NOVA2: variants seen among roughly 807,000 people sequenced by gnomAD.
The protein encoded by NOVA2 is NOVA alternative splicing regulator 2.
A neutral mutation model predicts 22.5 loss-of-function variants in NOVA2; 9 were observed. The observed-to-expected ratio is 0.40, with a 90% confidence interval of 0.24 to 0.70. The LOEUF (loss-of-function observed/expected upper bound fraction) is 0.70, where lower values mean the gene tolerates loss of function less well. Ranked by LOEUF, NOVA2 falls within the 30% of genes least tolerant of loss-of-function variation. The probability of loss-of-function intolerance (pLI) is 0.38; values close to 1 mark genes in which losing one functional copy is unlikely to be tolerated. For synonymous variants in NOVA2, 318 were observed against 335.2 expected (o/e 0.95, Z 0.56); for missense variants, 383 against 682.8 (o/e 0.56, Z 4.89).
At chr19:45,942,894 C>T (rs1251229579) in intron 3 of NOVA2, among the ~76,000 whole-genome samples, 1 of 151,470 alleles carries the variant, frequency 6.6e-6, no homozygotes. Flanking sequence ...CCCTTAAACC[C>T]TGGGGGTGTC....
rs1368630697 is a variant in NOVA2 at position 45,938,599 on chromosome 19, A to G, written c.*1264T>C. 4 of 152,398 alleles carry G rather than the reference A, an allele frequency of 2.6e-5. No homozygotes were observed. The highest frequency in any genetic ancestry group is 2.0e-4 in the Admixed American group (3 of 15,282). 9.4% of individuals were successfully genotyped at this position (152,398 alleles called of 1,614,324 possible). A position where few individuals can be genotyped will look rare whatever the true frequency, so the allele number is the denominator to read the frequency against. ...AGGGAGGTCTTTAACAGTAGTTTGCACTAGGTCCATCTCCCACCCCTCCCT... is the reference window on the plus strand; with the variant it reads ...AGGGAGGTCTTTAACAGTAGTTTGCGCTAGGTCCATCTCCCACCCCTCCCT... On this transcript the variant is annotated 3_prime_UTR_variant, in exon 4 of 4. Transcript: ENST00000263257.
chr19:45,940,887 G>T lies in NOVA2; in HGVS notation c.455C>A (p.Thr152Lys). 1 of 1,605,832 alleles carries T rather than the reference G, an allele frequency of 6.2e-7. No homozygotes were observed. Among genetic ancestry groups the T allele is most frequent in the South Asian group, 1.1e-5 (1 of 91,062 alleles). ...TGACTGTTCCATCACGGCTTTCACC[G>T]TGGCGCCTCCCTTGCCGATGATCAG... ...AGLIIGKGGA[T>K]VKAVMEQSGA... The change falls in exon 4 of 4, where the codon ACG becomes AAG. Residue 152 changes from threonine (T) to lysine (K), a missense_variant. By Grantham distance (78) the Thr-to-Lys change is moderately conservative. Transcript: ENST00000263257.
At chr19:45,944,958 A>G (rs1036036924) in intron 3 of NOVA2, among the ~76,000 whole-genome samples, 3 of 152,168 alleles carry the variant, frequency 2.0e-5, no homozygotes, top group Non-Finnish European at 4.4e-5. Context: ...GCTTGGGGTT[A>G]GGGAGAGGGT....
intron 3 of NOVA2, among the ~76,000 whole-genome samples, 153 bp from the exon 4 acceptor site, chr19:45,941,098 T>G (rs1271403843): frequency 6.6e-6 from 1 of 152,110 alleles, no homozygotes; most frequent in African/African-American, 2.4e-5. Flanking sequence ...CAGACTAGCC[T>G]GGCCAACATG....
chr19:45,967,663 G>A (rs550686300), intron 1 of NOVA2: 5 of 152,226 alleles, frequency 3.3e-5, no homozygotes, highest in African/African-American at 1.2e-4. Context: ...ACCCCCTCAG[G>A]GATGCTTCTG....
At chr19:45,958,989 G>A (rs1299005071) in intron 2 of NOVA2, among the ~76,000 whole-genome samples, 6 of 152,180 alleles carry the variant, frequency 3.9e-5, no homozygotes, top group Admixed American at 2.6e-4. Context: ...TGTGACGTCT[G>A]CTTCCCTGAC....
intron 1 of NOVA2, among the ~76,000 whole-genome samples, chr19:45,968,181 G>A (rs1338454847): frequency 7.2e-5 from 11 of 152,110 alleles, no homozygotes; most frequent in Admixed American, 4.6e-4. Context: ...TCAATGTTGG[G>A]TGTTGTCCTC....
chr19:45,941,717 C>T (rs957047347), intron 3 of NOVA2, among the ~76,000 whole-genome samples: 1 of 152,060 alleles, frequency 6.6e-6, no homozygotes, highest in African/African-American at 2.4e-5. Flanking sequence ...GGCAACATAG[C>T]GAGATCTTGC....
chr19:45,948,977 T>C (rs571085264), intron 3 of NOVA2, among the ~76,000 whole-genome samples: 1 of 152,306 alleles, frequency 6.6e-6, no homozygotes, highest in East Asian at 1.9e-4. Context: ...TTTTGACACA[T>C]GCTAAACTAT....
At chr19:45,951,107 G>T (rs1967918486) in intron 3 of NOVA2, among the ~76,000 whole-genome samples, 3 of 152,214 alleles carry the variant, frequency 2.0e-5, no homozygotes, top group Admixed American at 6.5e-5. Context: ...GTATAACCCA[G>T]AAGTGGCAAT....
intron 1 of NOVA2, among the ~76,000 whole-genome samples, chr19:45,972,095 C>T (rs1342901641): frequency 6.6e-6 from 1 of 152,124 alleles, no homozygotes; most frequent in Non-Finnish European, 1.5e-5. Flanking sequence ...TTCACACACA[C>T]ACCTCTCCTT....
Position 45,973,303 on chromosome 19 carries a change from G to C in NOVA2, c.49C>G (p.Pro17Ala). The C allele has an allele frequency of 7.5e-7, 1 of 1,340,958 alleles. No individual in the cohort carries two copies. The highest frequency in any genetic ancestry group is 2.2e-5 in the South Asian group (1 of 45,190). 83.1% of individuals were successfully genotyped at this position (1,340,958 alleles called of 1,614,324 possible). ...CTGCGCTTGGTGCAGACCACCTCGG[G>C]GGGCGTTTCGAGGGGCCTCTTGCGG... is the stretch of plus-strand genomic sequence containing the variant. The part of the protein sequence containing the change: ...DSRKRPLETP[P>A]EVVCTKRSNT... The change falls in exon 1 of 4, where the codon CCC becomes GCC. Residue 17 changes from proline (P) to alanine (A), a missense_variant. Around this residue, in one of 2 missense-constraint regions of NOVA2, gnomAD observed 349 missense variants for 578.1 expected, o/e 0.60. Transcript: ENST00000263257.
chr19:45,965,951 T>C (rs1403757067), intron 1 of NOVA2, among the ~76,000 whole-genome samples: 1 of 152,218 alleles, frequency 6.6e-6, no homozygotes, highest in African/African-American at 2.4e-5. Flanking sequence ...ATCATCATTA[T>C]CAGCATTGCC....
Position 45,940,539 on chromosome 19 carries a change from A to G in NOVA2, c.803T>C (p.Leu268Pro). 1.3e-6 allele frequency: 2 copies of G among 1,495,164 alleles called. No homozygotes were observed. Among genetic ancestry groups the G allele is most frequent in the Non-Finnish European group, 1.8e-6 (2 of 1,124,540 alleles). The allele number at this position is 1,495,164 out of a possible 1,614,324, so 92.6% of individuals were successfully genotyped here. A position where few individuals can be genotyped will look rare whatever the true frequency, so the allele number is the denominator to read the frequency against. The stretch of plus-strand genomic sequence containing the variant: ...CAGGTCGGTGCCTGAGAAGGCGGGC[A>G]GCGCGGCGGGAAAGGCCCCCACGCC... ...LAGVGAFPAA[L>P]PAFSGTDLLA... is the part of the protein sequence containing the mutation. The change falls in exon 4 of 4, where the codon CTG becomes CCG. Residue 268 changes from leucine (L) to proline (P), a missense_variant. By Grantham distance (98) the Leu-to-Pro change is moderately conservative. Around this residue, in one of 2 missense-constraint regions of NOVA2, gnomAD observed 349 missense variants for 578.1 expected, o/e 0.60. Transcript: ENST00000263257.
At chr19:45,957,270 G>T (rs1168954457) in intron 2 of NOVA2, among the ~76,000 whole-genome samples, 1 of 152,120 alleles carries the variant, frequency 6.6e-6, no homozygotes, top group African/African-American at 2.4e-5. Flanking sequence ...CAGGTGCAGT[G>T]GCTCACGCCT....
chr19:45,939,679 T>G lies in NOVA2; in HGVS notation c.*184A>C. 1.4e-6 allele frequency: 1 copy of G among 735,506 alleles called. No individual in the cohort carries two copies. Among genetic ancestry groups the G allele is most frequent in the Non-Finnish European group, 2.2e-6 (1 of 463,776 alleles). 45.6% of individuals were successfully genotyped at this position (735,506 alleles called of 1,614,324 possible). A position where few individuals can be genotyped will look rare whatever the true frequency, so the allele number is the denominator to read the frequency against. On this transcript the variant is annotated 3_prime_UTR_variant, in exon 4 of 4. Transcript: ENST00000263257. Reference sequence around the variant, plus strand: ...CTGGGGAGGGGGCTTCTGAGCCCCCTTCCCAACCGTCACTCAATCCTGCCT... The same window carrying G: ...CTGGGGAGGGGGCTTCTGAGCCCCCGTCCCAACCGTCACTCAATCCTGCCT...
intron 3 of NOVA2, among the ~76,000 whole-genome samples, chr19:45,952,410 G>C (rs1967939961): frequency 6.6e-6 from 1 of 152,206 alleles, no homozygotes; most frequent in South Asian, 2.1e-4. Context: ...CCCAGAGCCT[G>C]AGTTTTCAGC....
intron 1 of NOVA2, among the ~76,000 whole-genome samples, chr19:45,964,010 G>A (rs982815069): frequency 1.3e-5 from 2 of 152,032 alleles, no homozygotes. Context: ...GACTTGAACA[G>A]TGTCCCCAAA....
intron 3 of NOVA2, among the ~76,000 whole-genome samples, chr19:45,941,742 T>A (rs956750922): frequency 6.6e-6 from 1 of 151,946 alleles, no homozygotes; most frequent in Admixed American, 6.6e-5. Context: ...AACATTAAAA[T>A]TTTTTTTAAA....
Sources: gnomAD v4.1 joint callset for allele counts (sites outside exome capture counted in the v4.1 genomes callset) on GRCh38, gnomAD v4.1.1 for gene constraint, gnomAD v4.1.1 regional missense constraint, MANE v1.5 for transcripts, NCBI Gene and HGNC (gene_info 2026-07-23, HGNC 2026-07-21) for gene names.